The following CERS6 variants were observed in gnomAD, a reference collection of about 807,000 sequenced individuals.
CERS6 encodes the protein LAG1 homolog, ceramide synthase 6.
CERS6 carries 26 observed loss-of-function variants against 56.8 expected under a neutral mutation model. The observed-to-expected ratio is 0.46, with a 90% CI of 0.34 to 0.63. The LOEUF is 0.63. CERS6 is among the 30% of genes least tolerant of loss of function. CERS6 has a pLI of 0.01. For synonymous variants in CERS6, 164 were observed against 173.3 expected, an observed-to-expected ratio of 0.95 and a Z score of 0.42; for missense variants, 415 against 467.5, an observed-to-expected ratio of 0.89 and a Z score of 1.04.
At chr2:168,684,020 A>T (rs563081055) in intron 4 of CERS6, among the ~76,000 whole-genome samples, 1 of 152,186 alleles carries the variant, frequency 6.6e-6, no homozygotes, top group Non-Finnish European at 1.5e-5. Flanking sequence ...GCCCATCTCC[A>T]AAAAACTCTT....
rs73969281 is a variant in CERS6 at position 168,612,410 on chromosome 2, A to C, written c.408-18575A>C. Among the ~76,000 whole-genome samples the C allele has an allele frequency of 8.5e-3, 1,295 of 152,342 alleles. 19 individuals are homozygous for C. The highest frequency in any genetic ancestry group is 0.03 in the African/African-American group (1,235 of 41,566). The stretch of plus-strand genomic sequence containing the variant: ...CTTATGGGGATAAACACTTCTTGGG[A>C]GGTGGAGACCAGAGAAAACCGCAGG... On this transcript the variant is annotated intron_variant, in intron 3 of 9. Transcript: ENST00000305747.
chr2:168,560,964 T>G (rs1472325386), intron 2 of CERS6, among the ~76,000 whole-genome samples: 6 of 152,178 alleles, frequency 3.9e-5, no homozygotes, highest in Non-Finnish European at 7.3e-5. Context: ...AGAGCAAGAT[T>G]CATGTTTCTA....
chr2:168,638,149 C>G (rs1189858944), intron 4 of CERS6, among the ~76,000 whole-genome samples: 1 of 152,116 alleles, frequency 6.6e-6, no homozygotes, highest in African/African-American at 2.4e-5. Context: ...CTCATACTAG[C>G]AAAGCTGAGA....
chr2:168,540,066 G>A (rs1695338984), intron 1 of CERS6, among the ~76,000 whole-genome samples: 1 of 152,034 alleles, frequency 6.6e-6, no homozygotes, highest in Non-Finnish European at 1.5e-5. Context: ...TTTGAAATGG[G>A]AATCTGGAGG....
chr2:168,730,563 T>C lies in CERS6; in HGVS notation c.845+12585T>C, dbSNP rs1012853095. On this transcript the variant is annotated intron_variant, in intron 8 of 9. Transcript: ENST00000305747. ...TCTGGCATAAAGATTTTAAATTCTG[T>C]ATGAGGGACCTGGTGAGTCATCCCC... Among the ~76,000 whole-genome samples, 75 of 152,156 alleles carry C rather than the reference T, an allele frequency of 4.9e-4. No homozygotes were observed. The East Asian group carries it at 0.011, about 23-fold the overall frequency.
intron 1 of CERS6, among the ~76,000 whole-genome samples, chr2:168,507,985 G>C (rs528453596): frequency 6.6e-6 from 1 of 152,220 alleles, no homozygotes; most frequent in South Asian, 2.1e-4. Flanking sequence ...TGGGAGTCAT[G>C]CCATCTATTC....
chr2:168,562,136 C>G (rs17203177), intron 3 of CERS6, among the ~76,000 whole-genome samples: 41,206 of 152,038 alleles, frequency 0.27, 6,333 homozygotes, highest in East Asian at 0.59. Context: ...GACGTCTGGT[C>G]ATTTAAACAG....
chr2:168,677,032 A>C (rs1200095290), intron 4 of CERS6, among the ~76,000 whole-genome samples: 1 of 64,086 alleles, frequency 1.6e-5, no homozygotes, highest in African/African-American at 6.3e-5. Flanking sequence ...TTTTTTTTTT[A>C]ATTATACTTT....
intron 3 of CERS6, among the ~76,000 whole-genome samples, chr2:168,595,098 G>A (rs1337921523): frequency 6.6e-6 from 1 of 152,154 alleles, no homozygotes; most frequent in African/African-American, 2.4e-5. Context: ...GTCCTCTATT[G>A]GAGTTTAGCC....
At chr2:168,506,625 G>T (rs1210940500) in intron 1 of CERS6, among the ~76,000 whole-genome samples, 2 of 152,162 alleles carry the variant, frequency 1.3e-5, no homozygotes, top group Non-Finnish European at 2.9e-5. Context: ...TTAGACTGAG[G>T]AGTTTTAGAC....
rs1364900347 is a variant in CERS6 at position 168,769,683 on chromosome 2, C to G, written c.*21C>G. ...ATTAATTACTCAAAACTACAAGTCC[C>G]AAGCAAAGTGAACTATTTGTTCCTG... On this transcript the variant is annotated 3_prime_UTR_variant, in exon 10 of 10. Coordinates refer to ENST00000305747, the MANE Select transcript of CERS6 (RefSeq NM_203463.3). 3 of 1,606,204 alleles carry G rather than the reference C, an allele frequency of 1.9e-6. No individual in the cohort carries two copies. Among genetic ancestry groups the G allele is most frequent in the African/African-American group, 2.7e-5 (2 of 74,658 alleles).
At chr2:168,457,488 G>A (rs1693693772) in intron 1 of CERS6, among the ~76,000 whole-genome samples, 1 of 152,088 alleles carries the variant, frequency 6.6e-6, no homozygotes, top group Non-Finnish European at 1.5e-5. Context: ...ACTAGATTGT[G>A]CCTGCCATGC....
intron 4 of CERS6, among the ~76,000 whole-genome samples, chr2:168,645,108 AAAAAAAAAAT>A (rs1685147096): frequency 1.5e-5 from 1 of 67,534 alleles, no homozygotes; most frequent in African/African-American, 5.6e-5. Context: ...AAAAAAAAAA[AAAAAAAAAAT>A]ATATATATAT....
intron 4 of CERS6, among the ~76,000 whole-genome samples, chr2:168,675,117 G>A (rs62174386): frequency 5.2e-4 from 79 of 151,866 alleles, no homozygotes; most frequent in African/African-American, 1.9e-3. Flanking sequence ...GGGACTACAG[G>A]CGCACACCAC....
At chr2:168,551,823 A>G (rs987048300) in intron 2 of CERS6, among the ~76,000 whole-genome samples, 3 of 152,174 alleles carry the variant, frequency 2.0e-5, no homozygotes, top group African/African-American at 7.2e-5. Context: ...TCTTTAGTGA[A>G]TATTTTTGAG....
At chr2:168,474,219 T>A (rs1694028097) in intron 1 of CERS6, among the ~76,000 whole-genome samples, 1 of 152,236 alleles carries the variant, frequency 6.6e-6, no homozygotes. Flanking sequence ...CATCCCGTTA[T>A]GTGGGTGTTT....
At chr2:168,479,211 CAG>C (rs1484691694) in intron 1 of CERS6, among the ~76,000 whole-genome samples, 2 of 152,090 alleles carry the variant, frequency 1.3e-5, no homozygotes, top group Non-Finnish European at 2.9e-5. Context: ...TTTTTAGAGA[CAG>C]AGTTTAAAAC....
chr2:168,644,309 A>G, intron 4 of CERS6: 3 of 985,064 alleles, frequency 3.0e-6, no homozygotes, highest in Non-Finnish European at 3.6e-6. Flanking sequence ...GTGAAGGGGA[A>G]TAATAGAAAG....
intron 8 of CERS6, among the ~76,000 whole-genome samples, chr2:168,743,481 G>A (rs552352155): frequency 1.4e-4 from 22 of 152,072 alleles, no homozygotes; most frequent in African/African-American, 3.6e-4. Flanking sequence ...CAAAAAATAC[G>A]AAAAATTAGC....
Sources: gnomAD v4.1 joint callset for allele counts (sites outside exome capture counted in the v4.1 genomes callset) on GRCh38, gnomAD v4.1.1 for gene constraint, MANE v1.5 for transcripts, NCBI Gene and HGNC (gene_info 2026-07-23, HGNC 2026-07-21) for gene names.